TMEM132D: variants seen among roughly 807,000 people sequenced by gnomAD.
TMEM132D encodes the protein transmembrane protein 132D.
Under a neutral mutation model 62.3 loss-of-function variants are expected in TMEM132D, and 21 were observed. The observed-to-expected ratio is 0.34, with a 90% CI of 0.24 to 0.49. The LOEUF is 0.49. Among genes scored for constraint, TMEM132D ranks in the 20% least tolerant of loss-of-function variants. TMEM132D has a pLI of 0.99. For missense variants in TMEM132D, 1,346 were observed against 1,402.8 expected (o/e 0.96, Z 0.65); for synonymous variants, 621 against 575.6 (o/e 1.08, Z -1.13).
chr12:129,483,143 C>T (rs991661343), intron 3 of TMEM132D, among the ~76,000 whole-genome samples: 8 of 152,122 alleles, frequency 5.3e-5, no homozygotes, highest in East Asian at 1.9e-4. Context: ...ACACAAAATC[C>T]GCTGTCAGAT....
At chr12:129,819,602 C>T (rs2137323927) in intron 1 of TMEM132D, among the ~76,000 whole-genome samples, 1 of 152,206 alleles carries the variant, frequency 6.6e-6, no homozygotes, top group Admixed American at 6.5e-5. Flanking sequence ...ACTTTTGCCT[C>T]TTCATGCATC....
intron 3 of TMEM132D, among the ~76,000 whole-genome samples, chr12:129,469,514 T>C (rs866684070): frequency 2.2e-4 from 33 of 152,190 alleles, no homozygotes; most frequent in African/African-American, 7.5e-4. Flanking sequence ...ATAGGGTAAC[T>C]GAGAATTTTA....
intron 2 of TMEM132D, among the ~76,000 whole-genome samples, chr12:129,610,126 C>G (rs1043908748): frequency 6.6e-6 from 1 of 152,074 alleles, no homozygotes; most frequent in Non-Finnish European, 1.5e-5. Flanking sequence ...CAAAACTTAG[C>G]TGGGTGTGGT....
chr12:129,457,207 C>T (rs543880227), intron 3 of TMEM132D, among the ~76,000 whole-genome samples: 27 of 152,114 alleles, frequency 1.8e-4, no homozygotes, highest in Admixed American at 7.2e-4. Context: ...CCAACAATGA[C>T]AGACTAGATT....
At chr12:129,706,611 G>A (rs1390543103) in intron 1 of TMEM132D, among the ~76,000 whole-genome samples, 3 of 151,748 alleles carry the variant, frequency 2.0e-5, no homozygotes, top group Non-Finnish European at 4.4e-5. Context: ...ATGACATGAA[G>A]ATATAAATAA....
At chr12:129,511,036 T>C (rs191240861) in intron 3 of TMEM132D, among the ~76,000 whole-genome samples, 299 of 152,312 alleles carry the variant, frequency 2.0e-3, no homozygotes, top group African/African-American at 7.0e-3. Context: ...TTCTAGGTCT[T>C]TTGTAGTTTC....
chr12:129,081,614 C>G, intron 7 of TMEM132D, 145 bp downstream of exon 7: 2 of 1,251,950 alleles, frequency 1.6e-6, no homozygotes, highest in Non-Finnish European at 2.2e-6. Flanking sequence ...GCTTGTATTG[C>G]TTACTCCACA....
intron 3 of TMEM132D, among the ~76,000 whole-genome samples, chr12:129,352,302 T>A (rs1869892267): frequency 6.6e-6 from 1 of 152,208 alleles, no homozygotes; most frequent in African/African-American, 2.4e-5. Flanking sequence ...AGAAAATTAA[T>A]CCTTTATCAC....
In TMEM132D at chr12:129,779,660, A is replaced by G. The variant is rs1429125919; in HGVS notation, c.80-78962T>C. Among the ~76,000 whole-genome samples the G allele has an allele frequency of 6.6e-6, 1 of 152,090 alleles. No individual in the cohort carries two copies. Among genetic ancestry groups the G allele is most frequent in the Non-Finnish European group, 1.5e-5 (1 of 68,034 alleles). ...AAGGAAGAAGAGCAGGTATTGGAAGAGACCATCAGAAGGCCCCTCCACAGT... is the reference window on the plus strand; with the variant it reads ...AAGGAAGAAGAGCAGGTATTGGAAGGGACCATCAGAAGGCCCCTCCACAGT... On this transcript the variant is annotated intron_variant, in intron 1 of 8. Coordinates refer to ENST00000422113, the MANE Select transcript of TMEM132D (RefSeq NM_133448.3). This position sits in a 1 kb window ranked among gnomAD's most constrained non-coding sequence, Gnocchi z 4.1.
intron 5 of TMEM132D, among the ~76,000 whole-genome samples, chr12:129,114,584 C>A (rs577173772): frequency 5.3e-5 from 8 of 152,284 alleles, no homozygotes; most frequent in Admixed American, 1.3e-4. Context: ...AATGACATTT[C>A]ATGAAGCAAA....
intron 3 of TMEM132D, among the ~76,000 whole-genome samples, chr12:129,425,356 C>G (rs1012545214): frequency 5.3e-5 from 8 of 151,118 alleles, no homozygotes; most frequent in African/African-American, 1.9e-4. Flanking sequence ...GCACTATTTT[C>G]CATTCCCACC....
rs536325820 is a variant in TMEM132D, at chr12:129,502,148, C to T, written c.1115+28911G>A. Among the ~76,000 whole-genome samples, 25 of 152,152 alleles carry T rather than the reference C, an allele frequency of 1.6e-4. No homozygotes were observed. In the East Asian group the frequency reaches 3.3e-3, roughly 20 times the overall value. On this transcript the variant is annotated intron_variant, in intron 3 of 8. Transcript: ENST00000422113. ...CCGAGTAGCTGGGATTACAGGCGTC[C>T]GTCACCACGCCCGGCTAATTTTTTG...
At chr12:129,871,097 AG>A (rs1383366046) in intron 1 of TMEM132D, among the ~76,000 whole-genome samples, 1 of 152,126 alleles carries the variant, frequency 6.6e-6, no homozygotes, top group Non-Finnish European at 1.5e-5. Flanking sequence ...CTGCTGACTG[AG>A]GGGTAGCAGA....
intron 3 of TMEM132D, among the ~76,000 whole-genome samples, chr12:129,438,083 G>C (rs533585964): frequency 2.0e-5 from 3 of 152,030 alleles, no homozygotes; most frequent in South Asian, 4.2e-4. Context: ...CTTTTTTATG[G>C]CTGCATAGTA....
intron 8 of TMEM132D, among the ~76,000 whole-genome samples, chr12:129,076,983 G>A (rs948992288): frequency 6.6e-6 from 1 of 152,210 alleles, no homozygotes; most frequent in Admixed American, 6.5e-5. Context: ...AAGGAGGTTT[G>A]CTTTGGCCAA....
At chr12:129,794,615 A>C (rs1871506823) in intron 1 of TMEM132D, among the ~76,000 whole-genome samples, 1 of 152,204 alleles carries the variant, frequency 6.6e-6, no homozygotes. Flanking sequence ...GCCTTCCATA[A>C]TTTGTGTTAT....
chr12:129,447,855 C>T (rs551699605), intron 3 of TMEM132D, among the ~76,000 whole-genome samples: 7 of 152,214 alleles, frequency 4.6e-5, no homozygotes, highest in South Asian at 4.2e-4. Context: ...TGAGTGATGC[C>T]GGCTTAATCA....
At chr12:129,119,910 G>T (rs932562073) in intron 5 of TMEM132D, among the ~76,000 whole-genome samples, 6 of 151,984 alleles carry the variant, frequency 3.9e-5, no homozygotes, top group African/African-American at 1.5e-4. Context: ...AGGAGGGGAA[G>T]GAGACAGTGG....
chr12:129,205,050 T>C (rs1878804513), intron 5 of TMEM132D, among the ~76,000 whole-genome samples: 1 of 152,120 alleles, frequency 6.6e-6, no homozygotes, highest in Admixed American at 6.5e-5. Context: ...GGAAAGACCA[T>C]TGCCAGCCAA....
Sources: gnomAD v4.1 joint callset for allele counts (sites outside exome capture counted in the v4.1 genomes callset) on GRCh38, gnomAD v4.1.1 for gene constraint, Gnocchi (gnomAD v3.1) non-coding constraint, MANE v1.5 for transcripts, NCBI Gene and HGNC (gene_info 2026-07-23, HGNC 2026-07-21) for gene names.